ERBB4: variants seen among roughly 807,000 people sequenced by gnomAD.
ERBB4 encodes receptor tyrosine-protein kinase erbB-4.
In ERBB4, 42 loss-of-function variants were observed where a neutral mutation model predicts 158.0. The ratio of observed to expected loss-of-function variants is 0.27; its 90% CI spans 0.21 to 0.34. The LOEUF (loss-of-function observed/expected upper bound fraction) is 0.34. ERBB4 is among the 10% of genes least tolerant of loss of function. ERBB4 has a pLI of 1.00. For synonymous variants in ERBB4, 583 were observed against 558.7 expected (o/e 1.04, Z -0.61); for missense variants, 1,333 against 1,624.1 (o/e 0.82, Z 3.08).
intron 2 of ERBB4, among the ~76,000 whole-genome samples, chr2:211,951,732 A>T (rs2080881055): frequency 6.6e-6 from 1 of 152,088 alleles, no homozygotes; most frequent in African/African-American, 2.4e-5. Flanking sequence ...CTAGTGTCCA[A>T]AATAAGTCTC....
At chr2:211,469,523 A>G (rs1012767857) in intron 20 of ERBB4, among the ~76,000 whole-genome samples, 1 of 152,190 alleles carries the variant, frequency 6.6e-6, no homozygotes, top group Non-Finnish European at 1.5e-5. Flanking sequence ...CATTAAATAT[A>G]TATGTATCCT....
intron 1 of ERBB4, among the ~76,000 whole-genome samples, chr2:212,178,233 A>G (rs1230889622): frequency 1.3e-5 from 2 of 151,822 alleles, no homozygotes; most frequent in Non-Finnish European, 2.9e-5. Flanking sequence ...TGATATAATC[A>G]TATATCAATT....
chr2:211,499,764 T>C (rs74653303), intron 20 of ERBB4, among the ~76,000 whole-genome samples: 81 of 152,212 alleles, frequency 5.3e-4, no homozygotes, highest in African/African-American at 1.9e-3. Context: ...TAGGTGAAGA[T>C]ACCCCCAAAA....
intron 1 of ERBB4, among the ~76,000 whole-genome samples, chr2:212,271,096 C>T (rs2085326147): frequency 6.6e-6 from 1 of 151,852 alleles, no homozygotes; most frequent in South Asian, 2.1e-4. Flanking sequence ...GAGCAGTTAT[C>T]ATATAATACA....
intron 1 of ERBB4, among the ~76,000 whole-genome samples, chr2:212,424,188 A>G (rs1428975431): frequency 6.6e-6 from 1 of 152,070 alleles, no homozygotes; most frequent in African/African-American, 2.4e-5. Context: ...ATAATCAACT[A>G]CCTACTTAGC....
chr2:211,799,245 C>T (rs1247130876), intron 3 of ERBB4, among the ~76,000 whole-genome samples: 1 of 152,076 alleles, frequency 6.6e-6, no homozygotes, highest in Non-Finnish European at 1.5e-5. Context: ...TCATTTTCTC[C>T]ACTGTAAAAA....
At chr2:211,468,554 T>A (rs1309267948) in intron 20 of ERBB4, among the ~76,000 whole-genome samples, 1 of 151,966 alleles carries the variant, frequency 6.6e-6, no homozygotes, top group African/African-American at 2.4e-5. Flanking sequence ...CCTGGAAAAA[T>A]GTAGTTCTTG....
chr2:211,399,113 T>C (rs16846049), intron 25 of ERBB4, among the ~76,000 whole-genome samples: 35,977 of 152,104 alleles, frequency 0.24, 4,815 homozygotes, highest in South Asian at 0.47. Flanking sequence ...TTATGAAAAA[T>C]TGTCAGTAGC....
chr2:211,708,780 T>C (rs2073557007), intron 9 of ERBB4, among the ~76,000 whole-genome samples: 1 of 152,062 alleles, frequency 6.6e-6, no homozygotes, highest in Non-Finnish European at 1.5e-5. Flanking sequence ...TCATAGGAAA[T>C]AGGTATTTAT....
chr2:212,499,721 A>C (rs914184325), intron 1 of ERBB4, among the ~76,000 whole-genome samples: 1 of 152,132 alleles, frequency 6.6e-6, no homozygotes, highest in African/African-American at 2.4e-5. Context: ...CTTGGCAGAG[A>C]GGAGAACATA....
intron 18 of ERBB4, among the ~76,000 whole-genome samples, chr2:211,622,240 CAGTCTG>C: frequency 6.6e-6 from 1 of 152,164 alleles, no homozygotes; most frequent in Non-Finnish European, 1.5e-5. Context: ...TAAAATGATA[CAGTCTG>C]AGTCTGTTTT....
chr2:212,251,910 G>A (rs2084549608), intron 1 of ERBB4, among the ~76,000 whole-genome samples: 1 of 151,914 alleles, frequency 6.6e-6, no homozygotes, highest in Admixed American at 6.6e-5. Context: ...CTTTTATACT[G>A]ACAATGGATC....
intron 20 of ERBB4, among the ~76,000 whole-genome samples, chr2:211,483,870 T>G (rs1194233283): frequency 1.3e-5 from 2 of 152,112 alleles, no homozygotes; most frequent in East Asian, 3.9e-4. Context: ...AACACATTTC[T>G]TGTTGAGAAT....
intron 5 of ERBB4, among the ~76,000 whole-genome samples, chr2:211,727,089 A>T (rs981456175): frequency 2.0e-5 from 3 of 152,156 alleles, no homozygotes; most frequent in African/African-American, 7.2e-5. Context: ...TTGCTTCTGA[A>T]CAAGCAAGAA....
chr2:211,691,843 G>C (rs1312911737), intron 12 of ERBB4, among the ~76,000 whole-genome samples: 1 of 152,094 alleles, frequency 6.6e-6, no homozygotes, highest in Non-Finnish European at 1.5e-5. Flanking sequence ...ATATGGGAAA[G>C]TGGTACCCTG....
intron 13 of ERBB4, among the ~76,000 whole-genome samples, chr2:211,678,741 C>T (rs1187633243): frequency 1.3e-5 from 2 of 151,472 alleles, no homozygotes; most frequent in East Asian, 2.0e-4. Flanking sequence ...CCAAGGCAGG[C>T]GGATCACTAG....
intron 19 of ERBB4, among the ~76,000 whole-genome samples, chr2:211,580,907 A>ATATATACACAC (rs1553576309): frequency 1.1e-5 from 1 of 91,816 alleles, no homozygotes; most frequent in African/African-American, 4.1e-5. Flanking sequence ...ATATATATAT[A>ATATATACACAC]TATATATATG....
chr2:211,731,794 C>T (rs1446636963), intron 5 of ERBB4, among the ~76,000 whole-genome samples: 1 of 152,216 alleles, frequency 6.6e-6, no homozygotes, highest in Non-Finnish European at 1.5e-5. Context: ...CAAGAAGAGG[C>T]GTTACTTACA....
At chr2:212,337,288 C>T (rs1212379041) in intron 1 of ERBB4, among the ~76,000 whole-genome samples, 1 of 152,032 alleles carries the variant, frequency 6.6e-6, no homozygotes, top group Non-Finnish European at 1.5e-5. Flanking sequence ...AACGAATTAG[C>T]TGTGTTCTTG....
Sources: allele counts gnomAD v4.1 joint callset (sites outside exome capture counted in the v4.1 genomes callset), GRCh38; gene constraint gnomAD v4.1.1; transcripts MANE v1.5; gene names NCBI Gene and HGNC (gene_info 2026-07-23, HGNC 2026-07-21).